The following ZNF664 variants were observed in gnomAD, a reference collection of about 807,000 sequenced individuals.
ZNF664 encodes zinc finger Organ of Corti 1.
ZNF664 carries 10 observed loss-of-function variants against 18.2 expected under a neutral mutation model. The observed-to-expected ratio is 0.55, with a 90% CI of 0.34 to 0.93. The LOEUF (loss-of-function observed/expected upper bound fraction) is 0.93. Among genes scored for constraint, ZNF664 ranks in the 40% least tolerant of loss-of-function variants. The pLI, the probability that ZNF664 is intolerant of heterozygous loss-of-function variation, is 0.02. For missense variants in ZNF664, 193 were observed against 319.0 expected, an observed-to-expected ratio of 0.61 and a Z score of 3.01; for synonymous variants, 119 against 104.2, an observed-to-expected ratio of 1.14 and a Z score of -0.86.
Position 124,015,068 on chromosome 12 carries a change from G to C in ZNF664, c.*2138G>C, listed in dbSNP as rs1484012506. 1 of 167,116 alleles carries C rather than the reference G, an allele frequency of 6.0e-6. No homozygotes were observed. 10.4% of individuals were successfully genotyped at this position (167,116 alleles called of 1,614,324 possible). A position where few individuals can be genotyped will look rare whatever the true frequency, so the allele number is the denominator to read the frequency against. On this transcript the variant is annotated 3_prime_UTR_variant, in exon 5 of 5. Coordinates refer to ENST00000337815, the MANE Select transcript of ZNF664 (RefSeq NM_152437.3). ...CATTAGAGAAAAGCCTAGACTTTTA[G>C]TTGATAGCCAGTTGAAATATCATTG...
Position 124,012,789 on chromosome 12 carries a change from C to T in ZNF664, c.645C>T (p.Cys215=), listed in dbSNP as rs1045079071. The change falls in exon 5 of 5, where the codon TGC becomes TGT. Residue 215 remains cysteine, a synonymous_variant. Coordinates refer to ENST00000337815, the MANE Select transcript of ZNF664 (RefSeq NM_152437.3). ...GKAFSQSSSL[C]IHQRVHTGEK... ...CCTTCAGTCAGAGTTCGAGCCTGTGCATCCACCAGAGAGTCCACACAGGAG... is the reference window on the plus strand; with the variant it reads ...CCTTCAGTCAGAGTTCGAGCCTGTGTATCCACCAGAGAGTCCACACAGGAG... 4 of 1,613,546 alleles carry T rather than the reference C, an allele frequency of 2.5e-6. No homozygotes were observed. The African/African-American group carries it at 5.3e-5, about 22-fold the overall frequency.
chr12:123,976,335 T>G (rs917593134), intron 2 of ZNF664, among the ~76,000 whole-genome samples: 2 of 152,100 alleles, frequency 1.3e-5, no homozygotes, highest in Non-Finnish European at 2.9e-5. Flanking sequence ...TAGGTGTTAG[T>G]GTGGAGGAAA....
rs1957140651 is a variant in ZNF664, at chr12:124,012,068, CTA to C, written c.-75_-74del. 6.6e-7 allele frequency: 1 copy of C among 1,508,688 alleles called. No individual in the cohort carries two copies. The allele number at this position is 1,508,688 out of a possible 1,614,324, so 93.5% of individuals were successfully genotyped here. ...TGCCAAAATGGCCAAATAAGAGACT[CTA>C]TGAAATAACAGTCTTGTAACTGTAG... On this transcript the variant is annotated 5_prime_UTR_variant, in exon 5 of 5. It removes an upstream start codon present in the reference 5' UTR. Transcript: ENST00000337815.
At chr12:124,004,447 T>C (rs531280523) in intron 3 of ZNF664, among the ~76,000 whole-genome samples, 1 of 152,364 alleles carries the variant, frequency 6.6e-6, no homozygotes, top group South Asian at 2.1e-4. Flanking sequence ...ACAGATTGCT[T>C]ACAGACTTCT....
At chr12:123,975,845 G>A (rs1341208806) in intron 2 of ZNF664, among the ~76,000 whole-genome samples, 1 of 152,212 alleles carries the variant, frequency 6.6e-6, no homozygotes, top group Non-Finnish European at 1.5e-5. Context: ...AGAGTTGTAA[G>A]TTGTACATGT....
chr12:124,012,411 T>C lies in ZNF664; in HGVS notation c.267T>C (p.Cys89=), dbSNP rs756797908. The change falls in exon 5 of 5, where the codon TGT becomes TGC. Residue 89 remains cysteine, a synonymous_variant. Coordinates refer to ENST00000337815, the MANE Select transcript of ZNF664 (RefSeq NM_152437.3). ...ACACAGTGGAGAAGCCCTATAAATG[T>C]TACGAGTGTGGCAAAGCCTTCAATT... ...KIHTVEKPYK[C]YECGKAFNWS... 2.5e-6 allele frequency: 4 copies of C among 1,614,132 alleles called. No homozygotes were observed. Among genetic ancestry groups the C allele is most frequent in the Admixed American group, 1.7e-5 (1 of 60,006 alleles).
rs189334278 is a variant in ZNF664, at chr12:124,014,894, C to T, written c.*1964C>T. 2 of 166,938 alleles carry T rather than the reference C, an allele frequency of 1.2e-5. No individual in the cohort carries two copies. Among genetic ancestry groups the T allele is most frequent in the Admixed American group, 6.5e-5 (1 of 15,280 alleles). The allele number at this position is 166,938 out of a possible 1,614,324, so 10.3% of individuals were successfully genotyped here. ...TAATCCAGACATCTCTGCTAACAAG[C>T]CTTTGGTAAGTCACTTCAGATACTT... On this transcript the variant is annotated 3_prime_UTR_variant, in exon 5 of 5. Coordinates refer to ENST00000337815, the MANE Select transcript of ZNF664 (RefSeq NM_152437.3).
intron 2 of ZNF664, among the ~76,000 whole-genome samples, chr12:123,981,040 A>G (rs1231527305): frequency 1.3e-5 from 2 of 152,280 alleles, no homozygotes; most frequent in East Asian, 3.9e-4. Flanking sequence ...TTTGCATTTT[A>G]GAAGGTTACA....
At chr12:124,001,416 C>T (rs1206596183) in intron 3 of ZNF664, among the ~76,000 whole-genome samples, 1 of 152,212 alleles carries the variant, frequency 6.6e-6, no homozygotes, top group Non-Finnish European at 1.5e-5. Flanking sequence ...ATAAAGATCA[C>T]GATGCCTAGC....
rs1198910124 is a variant in ZNF664, at chr12:124,013,149, C to T, written c.*219C>T. Reference sequence around the variant, plus strand: ...CTGAGCATCCACGCAGGATGGCTCTCAGGTCCCAGTCACAGACGTCGCTTC... The same window carrying T: ...CTGAGCATCCACGCAGGATGGCTCTTAGGTCCCAGTCACAGACGTCGCTTC... On this transcript the variant is annotated 3_prime_UTR_variant, in exon 5 of 5. Coordinates refer to ENST00000337815, the MANE Select transcript of ZNF664 (RefSeq NM_152437.3). 5 of 640,514 alleles carry T rather than the reference C, an allele frequency of 7.8e-6. No homozygotes were observed. Among genetic ancestry groups the T allele is most frequent in the South Asian group, 6.6e-5 (3 of 45,358 alleles). The allele number at this position is 640,514 out of a possible 1,614,324, so 39.7% of individuals were successfully genotyped here.
intron 2 of ZNF664, among the ~76,000 whole-genome samples, chr12:123,987,079 G>A (rs1035803345): frequency 6.6e-6 from 1 of 152,178 alleles, no homozygotes; most frequent in African/African-American, 2.4e-5. Context: ...TGCTGAAAAT[G>A]ATATAGCAAC....
chr12:123,992,055 C>T (rs151116742), intron 3 of ZNF664, among the ~76,000 whole-genome samples: 3 of 152,278 alleles, frequency 2.0e-5, no homozygotes, highest in African/African-American at 7.2e-5. Flanking sequence ...TTCCCTATAG[C>T]TCATTAAAAC....
intron 2 of ZNF664, among the ~76,000 whole-genome samples, chr12:123,982,181 C>A (rs926290433): frequency 6.6e-6 from 1 of 152,206 alleles, no homozygotes; most frequent in Non-Finnish European, 1.5e-5. Flanking sequence ...GGTGCCCTTT[C>A]ATCCATGTGT....
intron 3 of ZNF664, among the ~76,000 whole-genome samples, chr12:124,008,736 T>C (rs369859309): frequency 1.3e-5 from 2 of 152,212 alleles, no homozygotes; most frequent in African/African-American, 4.8e-5. Flanking sequence ...TCCTGGGGTT[T>C]GTATATTGAA....
chr12:124,006,318 C>G (rs930004465), intron 3 of ZNF664: 1 of 152,208 alleles, frequency 6.6e-6, no homozygotes, highest in Non-Finnish European at 1.5e-5. Context: ...GTAGTCTCCC[C>G]TTCATGCAGC....
At chr12:123,977,066 G>A (rs533249758) in intron 2 of ZNF664, among the ~76,000 whole-genome samples, 46 of 152,114 alleles carry the variant, frequency 3.0e-4, no homozygotes, top group African/African-American at 9.2e-4. Context: ...GGCAACAGAG[G>A]GAGACTGTCT....
intron 3 of ZNF664, among the ~76,000 whole-genome samples, chr12:124,007,120 G>C (rs996812189): frequency 6.6e-6 from 1 of 152,092 alleles, no homozygotes; most frequent in Non-Finnish European, 1.5e-5. Context: ...AAAATTTGCC[G>C]GAGTTTCTTT....
intron 2 of ZNF664, among the ~76,000 whole-genome samples, chr12:123,981,697 C>G (rs961087503): frequency 6.6e-6 from 1 of 152,174 alleles, no homozygotes; most frequent in African/African-American, 2.4e-5. Flanking sequence ...GTGACTGATT[C>G]AGTTTTGGAT....
chr12:124,009,530 A>T (rs1330262647), intron 3 of ZNF664, among the ~76,000 whole-genome samples: 4 of 151,772 alleles, frequency 2.6e-5, no homozygotes, highest in African/African-American at 7.3e-5. Flanking sequence ...ATAGGGTCTC[A>T]CTCTGTTGCT....
Sources: allele counts gnomAD v4.1 joint callset (sites outside exome capture counted in the v4.1 genomes callset), GRCh38; gene constraint gnomAD v4.1.1; transcripts MANE v1.5; gene names NCBI Gene and HGNC (gene_info 2026-07-23, HGNC 2026-07-21).